The following VASP variants were observed in gnomAD, a reference collection of about 807,000 sequenced individuals.
VASP encodes the protein vasodilator-stimulated phosphoprotein.
A neutral mutation model predicts 54.4 loss-of-function variants in VASP; 27 were observed. The ratio of observed to expected loss-of-function variants is 0.50; its 90% CI spans 0.37 to 0.68. The LOEUF is 0.68. Among genes scored for constraint, VASP ranks in the 30% least tolerant of loss-of-function variants. The pLI is 0.00. For synonymous variants in VASP, 233 were observed against 209.8 expected, an observed-to-expected ratio of 1.11 and a Z score of -0.96; for missense variants, 488 against 528.3, an observed-to-expected ratio of 0.92 and a Z score of 0.75.
chr19:45,513,350 TCCTCCTGCCTCAC>T (rs541106912), intron 1 of VASP, among the ~76,000 whole-genome samples: 223 of 152,048 alleles, frequency 1.5e-3, no homozygotes, highest in African/African-American at 5.1e-3. Context: ...ACTCAAGTGA[TCCTCCTGCCTCAC>T]CCTCCTGAGT....
In VASP at chr19:45,517,205, C is replaced by T. The variant is rs1480170623; in HGVS notation, c.6-458C>T. On this transcript the variant is annotated intron_variant, in intron 1 of 12. Coordinates refer to ENST00000245932, the MANE Select transcript of VASP (RefSeq NM_003370.4). Reference sequence around the variant, plus strand: ...ATGGGGTCTCACTATGTTGCCCAGGCTGCTCTGAAATGCTTGGGCTCAAGT... The same window carrying T: ...ATGGGGTCTCACTATGTTGCCCAGGTTGCTCTGAAATGCTTGGGCTCAAGT... Among the ~76,000 whole-genome samples the T allele has an allele frequency of 2.6e-5, 4 of 151,668 alleles. No individual in the cohort carries two copies. In the South Asian group the frequency reaches 6.3e-4, roughly 24 times the overall value.
At chr19:45,515,195 G>C (rs543666106) in intron 1 of VASP, among the ~76,000 whole-genome samples, 3 of 152,264 alleles carry the variant, frequency 2.0e-5, no homozygotes, top group Non-Finnish European at 4.4e-5. Context: ...CCAGCCCCCA[G>C]CCCTCCTAGA....
intron 1 of VASP, among the ~76,000 whole-genome samples, chr19:45,509,337 C>A (rs1599926482): frequency 6.6e-6 from 1 of 152,148 alleles, no homozygotes; most frequent in Admixed American, 6.5e-5. Context: ...TCTCTTCCTT[C>A]GCCCTCTTCC....
At chr19:45,516,258 C>T (rs1294922262) in intron 1 of VASP, among the ~76,000 whole-genome samples, 1 of 152,220 alleles carries the variant, frequency 6.6e-6, no homozygotes, top group African/African-American at 2.4e-5. Context: ...GCTGTGTCTT[C>T]ATCCCCAGCC....
Position 45,507,629 on chromosome 19 carries a change from C to T in VASP, c.-143C>T, listed in dbSNP as rs367706740. On this transcript the variant is annotated 5_prime_UTR_variant, in exon 1 of 13. Transcript: ENST00000245932. The surrounding 1 kb of genome is among the most constrained non-coding windows in gnomAD (Gnocchi z 4.4). ...CCCGCCCCGGCCCGGTCCACATTCT[C>T]CCCAGGAAGCCGGACTCTATGGGGC... 1,944 of 1,093,474 alleles carry T rather than the reference C, an allele frequency of 1.8e-3. 47 individuals are homozygous for T. The South Asian group carries it at 0.028, about 16-fold the overall frequency. The allele number at this position is 1,093,474 out of a possible 1,614,324, so 67.7% of individuals were successfully genotyped here. A position where few individuals can be genotyped will look rare whatever the true frequency, so the allele number is the denominator to read the frequency against.
chr19:45,522,646 C>T, intron 6 of VASP, 65 bp downstream of exon 6: 1 of 1,560,874 alleles, frequency 6.4e-7, no homozygotes, highest in Middle Eastern at 1.7e-4. Flanking sequence ...GCCAGGGCTG[C>T]CGGCGGTGTC....
At chr19:45,517,876 C>G (rs942061287) in intron 2 of VASP, 42 bp downstream of exon 2, 13 of 1,577,490 alleles carry the variant, frequency 8.2e-6, no homozygotes, top group Non-Finnish European at 1.0e-5. Flanking sequence ...TGAACCCCTA[C>G]CCGCCCCACC....
At chr19:45,508,681 C>T (rs538224384) in intron 1 of VASP, among the ~76,000 whole-genome samples, 1 of 152,312 alleles carries the variant, frequency 6.6e-6, no homozygotes, top group South Asian at 2.1e-4. Context: ...CTTTGCTCAC[C>T]GTCCCCCTAT....
rs1456762183 is a variant in VASP at position 45,507,641 on chromosome 19, G to C, written c.-131G>C. On this transcript the variant is annotated 5_prime_UTR_variant, in exon 1 of 13. Transcript: ENST00000245932. The surrounding 1 kb of genome is among the most constrained non-coding windows in gnomAD (Gnocchi z 4.4). Reference sequence around the variant, plus strand: ...CGGTCCACATTCTCCCCAGGAAGCCGGACTCTATGGGGCGGGACCCTGGGG... The same window carrying C: ...CGGTCCACATTCTCCCCAGGAAGCCCGACTCTATGGGGCGGGACCCTGGGG... 2.5e-6 allele frequency: 3 copies of C among 1,219,676 alleles called. No homozygotes were observed. Among genetic ancestry groups the C allele is most frequent in the African/African-American group, 3.2e-5 (2 of 62,644 alleles). The allele number at this position is 1,219,676 out of a possible 1,614,324, so 75.6% of individuals were successfully genotyped here.
intron 1 of VASP, among the ~76,000 whole-genome samples, chr19:45,510,999 AG>A (rs1968591213): frequency 6.6e-6 from 1 of 152,092 alleles, no homozygotes; most frequent in Admixed American, 6.6e-5. Flanking sequence ...AAAAAAAAAA[AG>A]GAACGTGCTT....
Position 45,522,439 on chromosome 19 carries a change from T to C in VASP, c.578T>C (p.Val193Ala), listed in dbSNP as rs1485350175. 17 of 1,505,078 alleles carry C rather than the reference T, an allele frequency of 1.1e-5. No homozygotes were observed. Among genetic ancestry groups the C allele is most frequent in the Middle Eastern group, 2.4e-4 (1 of 4,198 alleles). The allele number at this position is 1,505,078 out of a possible 1,614,324, so 93.2% of individuals were successfully genotyped here. A position where few individuals can be genotyped will look rare whatever the true frequency, so the allele number is the denominator to read the frequency against. ...PPPPGLPPSG[V>A]PAAAHGAGGG... ...CCCCCAGGTTTGCCCCCTTCGGGGG[T>C]CCCAGCTGCAGCGCACGGAGCAGGG... Residue 193 changes from valine to alanine, a missense_variant, in exon 6 of 13, where the codon GTC becomes GCC. Coordinates refer to ENST00000245932, the MANE Select transcript of VASP (RefSeq NM_003370.4).
intron 1 of VASP, among the ~76,000 whole-genome samples, chr19:45,517,204 G>A (rs943501468): frequency 6.6e-6 from 1 of 151,428 alleles, no homozygotes; most frequent in African/African-American, 2.4e-5. Context: ...TGTTGCCCAG[G>A]CTGCTCTGAA....
chr19:45,526,170 C>G lies in VASP; in HGVS notation c.1136C>G (p.Ser379Cys). 6.2e-7 allele frequency: 1 copy of G among 1,612,132 alleles called. No homozygotes were observed. The highest frequency in any genetic ancestry group is 8.5e-7 in the Non-Finnish European group (1 of 1,179,576). Residue 379 changes from serine to cysteine, a missense_variant, in exon 13 of 13, where the codon TCT (serine) becomes TGT (cysteine). Ser to Cys is a moderately radical substitution (Grantham distance 112, BLOSUM62 -1). This residue lies in a region of VASP where 126 missense variants were observed against 134.8 expected (regional missense o/e 0.94). Transcript: ENST00000245932. ...AFVQELRKRG[S>C]P Reference sequence around the variant, plus strand: ...GTCCAGGAGCTGAGGAAGCGGGGTTCTCCCTGACCACAGGGACCCAGAAGA... The same window carrying G: ...GTCCAGGAGCTGAGGAAGCGGGGTTGTCCCTGACCACAGGGACCCAGAAGA...
chr19:45,520,982 T>G (rs1165320886), intron 3 of VASP, among the ~76,000 whole-genome samples: 2 of 152,004 alleles, frequency 1.3e-5, no homozygotes, highest in Non-Finnish European at 2.9e-5. Flanking sequence ...CCAACAGTGG[T>G]TAAGAGCCTG....
At chr19:45,520,186 G>A (rs1206652289) in intron 3 of VASP, among the ~76,000 whole-genome samples, 2 of 152,062 alleles carry the variant, frequency 1.3e-5, no homozygotes, top group Non-Finnish European at 2.9e-5. Context: ...ACAGGCGCGA[G>A]TCACGCGCCC....
chr19:45,510,696 G>A (rs1968583770), intron 1 of VASP, among the ~76,000 whole-genome samples: 1 of 152,134 alleles, frequency 6.6e-6, no homozygotes, highest in South Asian at 2.1e-4. Context: ...ACTTTGGGAG[G>A]CCAAGGCAGA....
intron 1 of VASP, among the ~76,000 whole-genome samples, chr19:45,514,624 G>T (rs1319357368): frequency 6.6e-6 from 1 of 152,224 alleles, no homozygotes; most frequent in Non-Finnish European, 1.5e-5. Flanking sequence ...CTGTTCTCCG[G>T]CCAGTCCAGA....
At chr19:45,511,653 C>A (rs968461391) in intron 1 of VASP, among the ~76,000 whole-genome samples, 3 of 152,090 alleles carry the variant, frequency 2.0e-5, no homozygotes, top group Non-Finnish European at 4.4e-5. Context: ...CCCCCGCACC[C>A]CCGTTTTATG....
At chr19:45,524,954 G>A (rs746836600) in intron 11 of VASP, 16 of 332,602 alleles carry the variant, frequency 4.8e-5, no homozygotes, top group Non-Finnish European at 6.4e-5. Flanking sequence ...GCTGGAATGC[G>A]CTTGCCAACC....
Sources: allele counts gnomAD v4.1 joint callset (sites outside exome capture counted in the v4.1 genomes callset), GRCh38; gene constraint gnomAD v4.1.1; regional missense constraint gnomAD v4.1.1; non-coding constraint Gnocchi (gnomAD v3.1); transcripts MANE v1.5; gene names NCBI Gene and HGNC (gene_info 2026-07-23, HGNC 2026-07-21).